DENND4C: variants seen among roughly 807,000 people sequenced by gnomAD.
DENND4C encodes the protein DENN domain containing 4C.
Under a neutral mutation model 203.0 loss-of-function variants are expected in DENND4C, and 108 were observed. The observed-to-expected ratio is 0.53, with a 90% CI of 0.46 to 0.62. The LOEUF (loss-of-function observed/expected upper bound fraction) is 0.62, where lower values mean the gene tolerates loss of function less well. DENND4C is among the 20% of genes least tolerant of loss of function. The probability of loss-of-function intolerance (pLI) is 0.00; values close to 1 mark genes in which losing one functional copy is unlikely to be tolerated. For synonymous variants in DENND4C, 871 were observed against 792.4 expected, an observed-to-expected ratio of 1.10 and a Z score of -1.67; for missense variants, 2,481 against 2,301.2, an observed-to-expected ratio of 1.08 and a Z score of -1.60.
At chr9:19,363,160 A>C (rs1826855897) in intron 30 of DENND4C, among the ~76,000 whole-genome samples, 1 of 152,190 alleles carries the variant, frequency 6.6e-6, no homozygotes, top group Non-Finnish European at 1.5e-5. Context: ...GTGTGTGTGC[A>C]TGCACATGCA....
chr9:19,244,139 T>C (rs759672491), intron 1 of DENND4C, among the ~76,000 whole-genome samples: 6 of 152,160 alleles, frequency 3.9e-5, no homozygotes, highest in Non-Finnish European at 8.8e-5. Flanking sequence ...TAAGCGATTC[T>C]CCTGCCTCAG....
intron 1 of DENND4C, among the ~76,000 whole-genome samples, chr9:19,237,187 A>C (rs1420280183): frequency 2.0e-5 from 3 of 151,334 alleles, no homozygotes; most frequent in African/African-American, 7.3e-5. Context: ...CGCCCGGCTA[A>C]TTTTTTGTAT....
At position 19,331,998 on chromosome 9, in the gene DENND4C, A is replaced by G. The variant is rs1563811646; in HGVS notation, c.2274A>G (p.Lys758=). ...TCTAGGAAATAAAAACAGCTCATAA[A>G]TTGGCGAAGAGATGTTATACAAATC... ...RTKQEIKTAH[K]LAKRCYTNPP... The change falls in exon 17 of 33, where the codon AAA becomes AAG. Residue 758 remains lysine (K), a synonymous_variant. Coordinates refer to ENST00000434457, the MANE Select transcript of DENND4C (RefSeq NM_001330640.2). The G allele has an allele frequency of 1.9e-6, 3 of 1,613,804 alleles. No individual in the cohort carries two copies. Among genetic ancestry groups the G allele is most frequent in the South Asian group, 2.2e-5 (2 of 91,060 alleles).
rs1057202746 is a variant in DENND4C, at chr9:19,374,248, TA to T, written c.*2083del. On this transcript the variant is annotated 3_prime_UTR_variant, in exon 33 of 33. Coordinates refer to ENST00000434457, the MANE Select transcript of DENND4C (RefSeq NM_001330640.2). ...TTTCACTTACTGACGCGCTTCCCAT[TA>T]AAAAAAATCTGTAAAGATCTCTACC... Among the ~76,000 whole-genome samples the T allele has an allele frequency of 6.6e-6, 1 of 151,982 alleles. No individual in the cohort carries two copies. Among genetic ancestry groups the T allele is most frequent in the African/African-American group, 2.4e-5 (1 of 41,390 alleles).
intron 17 of DENND4C, among the ~76,000 whole-genome samples, chr9:19,332,391 C>T (rs1469136789): frequency 3.3e-5 from 5 of 152,062 alleles, no homozygotes; most frequent in Non-Finnish European, 7.4e-5. Flanking sequence ...GAGTCTCACT[C>T]TGTCACCCAG....
chr9:19,369,810 A>G, intron 30 of DENND4C, 27 bp from the exon 31 acceptor site: 1 of 1,383,168 alleles, frequency 7.2e-7, no homozygotes, highest in Non-Finnish European at 9.4e-7. Flanking sequence ...ATAATTGAAA[A>G]AAAACTTACT....
At chr9:19,237,466 C>G (rs1822280973) in intron 1 of DENND4C, among the ~76,000 whole-genome samples, 1 of 152,202 alleles carries the variant, frequency 6.6e-6, no homozygotes, top group Non-Finnish European at 1.5e-5. Flanking sequence ...ATTCTTCTGC[C>G]TCAGTCTCCC....
intron 10 of DENND4C, among the ~76,000 whole-genome samples, chr9:19,314,328 C>T (rs1245156934): frequency 6.6e-6 from 1 of 151,800 alleles, no homozygotes; most frequent in Non-Finnish European, 1.5e-5. Context: ...GTGCCACACG[C>T]CTGTAGTCCC....
chr9:19,277,984 ATATAAC>A (rs1833223324), intron 2 of DENND4C, among the ~76,000 whole-genome samples: 1 of 151,402 alleles, frequency 6.6e-6, no homozygotes, highest in African/African-American at 2.4e-5. Flanking sequence ...CTTTCTTTTA[ATATAAC>A]TATGATACCA....
chr9:19,257,369 A>AAGAAAAC (rs1554711675), intron 1 of DENND4C, among the ~76,000 whole-genome samples: 2 of 151,520 alleles, frequency 1.3e-5, no homozygotes, highest in East Asian at 1.9e-4. Context: ...AAAAAAAAAA[A>AAGAAAAC]AGAAAACACA....
chr9:19,262,824 C>T (rs930169911), intron 1 of DENND4C, among the ~76,000 whole-genome samples: 1 of 152,164 alleles, frequency 6.6e-6, no homozygotes, highest in Non-Finnish European at 1.5e-5. Context: ...CTGCCTTGGC[C>T]TCCCAAAGTG....
chr9:19,312,258 G>A (rs546779687), intron 10 of DENND4C, among the ~76,000 whole-genome samples: 19 of 151,940 alleles, frequency 1.3e-4, no homozygotes, highest in Non-Finnish European at 2.4e-4. Context: ...CGTGTACACC[G>A]TGGCCACTTA....
chr9:19,258,383 C>G (rs1460210446), intron 1 of DENND4C, among the ~76,000 whole-genome samples: 2 of 152,038 alleles, frequency 1.3e-5, no homozygotes, highest in Admixed American at 6.6e-5. Flanking sequence ...GATACCAGAA[C>G]CAAAGATATT....
intron 1 of DENND4C, among the ~76,000 whole-genome samples, chr9:19,264,507 A>G (rs188852454): frequency 5.3e-5 from 8 of 151,768 alleles, no homozygotes; most frequent in Admixed American, 3.3e-4. Context: ...GGGTTTCACT[A>G]TGTTGGCCAG....
chr9:19,350,807 C>G lies in DENND4C; in HGVS notation c.4423C>G (p.Leu1475Val). The change falls in exon 24 of 33, where the codon CTT becomes GTT. Residue 1475 changes from leucine to valine, a missense_variant. Leu to Val is a conservative substitution (Grantham distance 32, BLOSUM62 1). Coordinates refer to ENST00000434457, the MANE Select transcript of DENND4C (RefSeq NM_001330640.2). ...TSISGLVPSELTQSNTSLGSS... is the reference protein window; with the variant it reads ...TSISGLVPSEVTQSNTSLGSS... ...TATCTCAGGGTTGGTCCCCAGTGAA[C>G]TTACCCAGAGCAACACAAGTCTTGG... The G allele has an allele frequency of 6.2e-7, 1 of 1,613,988 alleles. No homozygotes were observed. The highest frequency in any genetic ancestry group is 8.5e-7 in the Non-Finnish European group (1 of 1,180,004).
chr9:19,306,299 C>T (rs1214843526), intron 10 of DENND4C, among the ~76,000 whole-genome samples: 1 of 152,020 alleles, frequency 6.6e-6, no homozygotes, highest in African/African-American at 2.4e-5. Context: ...CAGTAGAATT[C>T]GTTGGGAAAA....
chr9:19,372,256 G>C lies in DENND4C; in HGVS notation c.*83G>C. The C allele has an allele frequency of 6.7e-7, 1 of 1,501,870 alleles. No individual in the cohort carries two copies. Among genetic ancestry groups the C allele is most frequent in the South Asian group, 1.3e-5 (1 of 78,072 alleles). 93.0% of individuals were successfully genotyped at this position (1,501,870 alleles called of 1,614,324 possible). Reference sequence around the variant, plus strand: ...ACATTCAAGTTTTTTTTTCCAAATCGTAAGAACTGGTGAATACGGAATTGA... The same window carrying C: ...ACATTCAAGTTTTTTTTTCCAAATCCTAAGAACTGGTGAATACGGAATTGA... On this transcript the variant is annotated 3_prime_UTR_variant, in exon 33 of 33. Coordinates refer to ENST00000434457, the MANE Select transcript of DENND4C (RefSeq NM_001330640.2).
intron 1 of DENND4C, among the ~76,000 whole-genome samples, chr9:19,252,911 A>G (rs760028901): frequency 7.2e-5 from 11 of 152,074 alleles, no homozygotes; most frequent in Admixed American, 2.0e-4. Context: ...AATTTTTTGT[A>G]TTTTTAGTAG....
intron 22 of DENND4C, among the ~76,000 whole-genome samples, chr9:19,343,233 C>T (rs1408347352): frequency 6.6e-6 from 1 of 152,132 alleles, no homozygotes; most frequent in Admixed American, 6.5e-5. Flanking sequence ...TGATTTTGGC[C>T]ATTGTTATAG....
Sources: allele counts gnomAD v4.1 joint callset (sites outside exome capture counted in the v4.1 genomes callset), GRCh38; gene constraint gnomAD v4.1.1; transcripts MANE v1.5; gene names NCBI Gene and HGNC (gene_info 2026-07-23, HGNC 2026-07-21).